The following SLC12A1 variants were observed in gnomAD, a reference collection of about 807,000 sequenced individuals.
SLC12A1 encodes the protein solute carrier family 12 member 1, also known as Na-K-2Cl cotransporter.
SLC12A1 carries 89 observed loss-of-function variants against 130.4 expected under a neutral mutation model. The observed-to-expected ratio is 0.68, with a 90% CI of 0.58 to 0.81. SLC12A1 has a LOEUF of 0.81. Among genes scored for constraint, SLC12A1 ranks in the 40% least tolerant of loss-of-function variants. The pLI, the probability that SLC12A1 is intolerant of heterozygous loss-of-function variation, is 0.00. For synonymous variants in SLC12A1, 499 were observed against 460.0 expected (o/e 1.08, Z -1.09); for missense variants, 1,310 against 1,336.4 (o/e 0.98, Z 0.31).
intron 4 of SLC12A1, chr15:48,224,689 G>C (rs1379865971): frequency 6.6e-6 from 1 of 152,150 alleles, no homozygotes; most frequent in Non-Finnish European, 1.5e-5. Flanking sequence ...GGTAGAGAGG[G>C]GAGGGAGGAC....
intron 15 of SLC12A1, among the ~76,000 whole-genome samples, chr15:48,252,971 G>A (rs952786839): frequency 2.6e-5 from 4 of 152,174 alleles, no homozygotes; most frequent in Non-Finnish European, 5.9e-5. Context: ...GCAATAGGAA[G>A]ATGCCACAGG....
chr15:48,264,292 A>G (rs947047814), intron 17 of SLC12A1, among the ~76,000 whole-genome samples: 4 of 152,098 alleles, frequency 2.6e-5, no homozygotes, highest in South Asian at 2.1e-4. Context: ...CTAAAAAATT[A>G]TAAAATATCT....
intron 7 of SLC12A1, among the ~76,000 whole-genome samples, chr15:48,232,099 A>G (rs182264045): frequency 3.9e-5 from 6 of 152,360 alleles, no homozygotes; most frequent in Non-Finnish European, 5.9e-5. Flanking sequence ...AAGGATGAAA[A>G]GAAGGAAATA....
chr15:48,235,345 T>TAAAAAA (rs5812439), intron 9 of SLC12A1: 1 of 233,288 alleles, frequency 4.3e-6, no homozygotes. Context: ...CCTGTAAAAG[T>TAAAAAA]AAAAAAAAAA....
chr15:48,283,089 C>T (rs2042024287), intron 20 of SLC12A1, among the ~76,000 whole-genome samples: 2 of 152,274 alleles, frequency 1.3e-5, no homozygotes, highest in South Asian at 4.2e-4. Context: ...TAAAATAACT[C>T]CCAGGCATCT....
chr15:48,230,634 G>A, intron 7 of SLC12A1, 131 bp downstream of exon 7: 2 of 667,826 alleles, frequency 3.0e-6, no homozygotes, highest in Non-Finnish European at 5.4e-6. Flanking sequence ...GCAGGCAAGT[G>A]CTAGGTGGAA....
At chr15:48,226,418 T>A in intron 4 of SLC12A1, 58 bp from the exon 5 acceptor site, 1 of 1,065,078 alleles carries the variant, frequency 9.4e-7, no homozygotes, top group South Asian at 1.5e-5. Context: ...TTTGCAGCAA[T>A]AGGGAATCCA....
At chr15:48,219,484 A>G (rs1011179088) in intron 2 of SLC12A1, among the ~76,000 whole-genome samples, 3 of 152,000 alleles carry the variant, frequency 2.0e-5, no homozygotes, top group African/African-American at 7.2e-5. Flanking sequence ...TGAATCCAGG[A>G]GGTGGAGGTT....
intron 17 of SLC12A1, among the ~76,000 whole-genome samples, chr15:48,262,140 G>A (rs145292340): frequency 1.3e-5 from 2 of 152,050 alleles, no homozygotes; most frequent in Non-Finnish European, 2.9e-5. Context: ...TTAGAAAAAT[G>A]AGGTCCAGAC....
At chr15:48,240,341 G>A (rs556448887) in intron 9 of SLC12A1, among the ~76,000 whole-genome samples, 32 of 151,758 alleles carry the variant, frequency 2.1e-4, no homozygotes, top group African/African-American at 7.0e-4. Flanking sequence ...CACTGACGAC[G>A]ACAATAGTTT....
chr15:48,268,554 C>G (rs1323694301), intron 18 of SLC12A1, among the ~76,000 whole-genome samples: 1 of 152,142 alleles, frequency 6.6e-6, no homozygotes, highest in African/African-American at 2.4e-5. Flanking sequence ...ATTGGTTAAG[C>G]TTAATTGGTA....
intron 19 of SLC12A1, among the ~76,000 whole-genome samples, chr15:48,272,628 A>G (rs1284563444): frequency 2.0e-5 from 3 of 152,218 alleles, no homozygotes; most frequent in Non-Finnish European, 2.9e-5. Context: ...GGGTTTCACC[A>G]TGTTGGCCAG....
chr15:48,236,556 TAG>T (rs1337750346), intron 9 of SLC12A1, among the ~76,000 whole-genome samples: 38 of 152,056 alleles, frequency 2.5e-4, no homozygotes, highest in Non-Finnish European at 8.8e-5. Context: ...TCCATGAAAG[TAG>T]AGAGTTTGCC....
At chr15:48,258,317 C>T (rs1027391677) in intron 16 of SLC12A1, among the ~76,000 whole-genome samples, 4 of 65,312 alleles carry the variant, frequency 6.1e-5, no homozygotes, top group Admixed American at 3.1e-4. Flanking sequence ...GCCGAGATCC[C>T]GCCACTGCAC....
chr15:48,272,990 T>C (rs896769510), intron 19 of SLC12A1, among the ~76,000 whole-genome samples: 3 of 150,758 alleles, frequency 2.0e-5, no homozygotes, highest in Non-Finnish European at 4.4e-5. Flanking sequence ...CACCTGTAAT[T>C]CCAGCTACTC....
intron 2 of SLC12A1, among the ~76,000 whole-genome samples, chr15:48,214,167 T>C (rs2041090253): frequency 6.6e-6 from 1 of 152,158 alleles, no homozygotes; most frequent in South Asian, 2.1e-4. Flanking sequence ...TTTGTTGGAG[T>C]GAACCTCTGC....
intron 2 of SLC12A1, among the ~76,000 whole-genome samples, chr15:48,219,591 T>TGAAA (rs138215733): frequency 9.1e-5 from 8 of 87,848 alleles, no homozygotes; most frequent in East Asian, 3.0e-4. Context: ...AAAAGAAAGA[T>TGAAA]GAAAGAAAGA....
intron 2 of SLC12A1, among the ~76,000 whole-genome samples, chr15:48,213,909 A>T (rs1414772039): frequency 3.3e-5 from 5 of 152,200 alleles, no homozygotes; most frequent in Non-Finnish European, 7.3e-5. Context: ...AAACCACATA[A>T]ATCAATGTAT....
At position 48,224,635 on chromosome 15, in the gene SLC12A1, T is replaced by A. The variant is rs984689498; in HGVS notation, c.629-1841T>A. 2.0e-5 allele frequency: 3 copies of A among 146,398 alleles called. No homozygotes were observed. The East Asian group carries it at 6.2e-4, about 30-fold the overall frequency. 9.1% of individuals were successfully genotyped at this position (146,398 alleles called of 1,614,324 possible). On this transcript the variant is annotated intron_variant, in intron 4 of 26. Coordinates refer to ENST00000380993, the MANE Select transcript of SLC12A1 (RefSeq NM_000338.3). Reference sequence around the variant, plus strand: ...GCCTGTGGTGCCTTTGTCAGGCTGATAAGCATCCAAAATTGTCTCTGGTAA... The same window carrying A: ...GCCTGTGGTGCCTTTGTCAGGCTGAAAAGCATCCAAAATTGTCTCTGGTAA...
Sources: gnomAD v4.1 joint callset for allele counts (sites outside exome capture counted in the v4.1 genomes callset) on GRCh38, gnomAD v4.1.1 for gene constraint, MANE v1.5 for transcripts, NCBI Gene and HGNC (gene_info 2026-07-23, HGNC 2026-07-21) for gene names.